The following DRC1 variants were observed in gnomAD, a reference collection of about 807,000 sequenced individuals.
DRC1 encodes dynein regulatory complex subunit 1.
DRC1 carries 74 observed loss-of-function variants against 98.7 expected under a neutral mutation model. The ratio of observed to expected loss-of-function variants is 0.75; its 90% CI spans 0.62 to 0.91. DRC1 has a LOEUF of 0.91. Ranked by LOEUF, DRC1 falls within the 40% of genes least tolerant of loss-of-function variation. The pLI is 0.00. For missense variants in DRC1, 875 were observed against 886.0 expected, an observed-to-expected ratio of 0.99 and a Z score of 0.16; for synonymous variants, 336 against 334.1, an observed-to-expected ratio of 1.01 and a Z score of -0.06.
intron 13 of DRC1, among the ~76,000 whole-genome samples, chr2:26,452,375 C>G (rs1286591971): frequency 6.6e-6 from 1 of 152,200 alleles, no homozygotes; most frequent in African/African-American, 2.4e-5. Context: ...CCTGCCTCAG[C>G]CTCCTGAGTA....
intron 7 of DRC1, among the ~76,000 whole-genome samples, chr2:26,437,608 T>G (rs1663605691): frequency 6.6e-6 from 1 of 152,182 alleles, no homozygotes; most frequent in South Asian, 2.1e-4. Flanking sequence ...TCATTTCACT[T>G]CTACGAATCT....
At chr2:26,426,984 T>C (rs1663300594) in intron 4 of DRC1, among the ~76,000 whole-genome samples, 1 of 152,202 alleles carries the variant, frequency 6.6e-6, no homozygotes, top group African/African-American at 2.4e-5. Flanking sequence ...TTTGCCTACT[T>C]TGTTAAGTTT....
chr2:26,430,944 T>A, intron 6 of DRC1, 72 bp downstream of exon 6: 1 of 1,014,956 alleles, frequency 9.9e-7, no homozygotes, highest in Non-Finnish European at 1.4e-6. Flanking sequence ...ATTTGCTAGC[T>A]AGCCTTTTTC....
intron 1 of DRC1, among the ~76,000 whole-genome samples, chr2:26,405,493 TATG>T (rs1478174504): frequency 6.6e-6 from 1 of 151,834 alleles, no homozygotes; most frequent in Non-Finnish European, 1.5e-5. Context: ...AATGAGCAAA[TATG>T]AAGAATAATA....
Position 26,414,340 on chromosome 2 carries a change from A to G in DRC1, c.156-4A>G, listed in dbSNP as rs750763591. 1.2e-6 allele frequency: 2 copies of G among 1,612,976 alleles called. No homozygotes were observed. Among genetic ancestry groups the G allele is most frequent in the Non-Finnish European group, 1.7e-6 (2 of 1,179,646 alleles). On this transcript the variant is annotated splice_polypyrimidine_tract_variant and splice_region_variant and intron_variant, in intron 1 of 16. Coordinates refer to ENST00000288710, the MANE Select transcript of DRC1 (RefSeq NM_145038.5). Reference sequence around the variant, plus strand: ...TTCATTTTCTCTGCTTTTTTCCATCACAGGGAAGCACTTGGAGAATATTTA... The same window carrying G: ...TTCATTTTCTCTGCTTTTTTCCATCGCAGGGAAGCACTTGGAGAATATTTA...
At chr2:26,402,283 G>C in intron 1 of DRC1, 139 bp downstream of exon 1, 1 of 1,344,286 alleles carries the variant, frequency 7.4e-7, no homozygotes, top group South Asian at 1.5e-5. Flanking sequence ...GTGCCGTGGC[G>C]CGCGCCTGTC....
intron 15 of DRC1, 40 bp from the exon 16 acceptor site, chr2:26,455,091 G>A (rs368071459): frequency 6.2e-6 from 10 of 1,608,268 alleles, no homozygotes; most frequent in African/African-American, 1.3e-5. Flanking sequence ...GCAGAGGATG[G>A]AGGATTCAGT....
At chr2:26,403,581 G>C (rs1269293065) in intron 1 of DRC1, among the ~76,000 whole-genome samples, 1 of 152,058 alleles carries the variant, frequency 6.6e-6, no homozygotes, top group Non-Finnish European at 1.5e-5. Context: ...GATCACCTGA[G>C]GTCAGGAGTT....
chr2:26,441,482 C>A, intron 8 of DRC1, among the ~76,000 whole-genome samples: 1 of 151,980 alleles, frequency 6.6e-6, no homozygotes, highest in East Asian at 1.9e-4. Flanking sequence ...AAAATTCCCA[C>A]TATATATGCA....
At chr2:26,413,725 A>C (rs1224930836) in intron 1 of DRC1, among the ~76,000 whole-genome samples, 1 of 152,150 alleles carries the variant, frequency 6.6e-6, no homozygotes, top group Non-Finnish European at 1.5e-5. Flanking sequence ...GGATAGTAAA[A>C]TTTTGTCAAA....
intron 1 of DRC1, among the ~76,000 whole-genome samples, chr2:26,405,654 T>A (rs1445535442): frequency 0.17 from 1,240 of 7,240 alleles, 24 homozygotes; most frequent in African/African-American, 0.2. Flanking sequence ...AGGCTATATC[T>A]TTTTTTTTTT....
chr2:26,412,324 C>T (rs999435001), intron 1 of DRC1, among the ~76,000 whole-genome samples: 3 of 152,042 alleles, frequency 2.0e-5, no homozygotes, highest in Admixed American at 6.6e-5. Flanking sequence ...GCCGAGATCG[C>T]GCCATTGCAC....
Position 26,402,158 on chromosome 2 carries a change from C to T in DRC1, c.155+14C>T. The T allele has an allele frequency of 6.4e-7, 1 of 1,569,978 alleles. No individual in the cohort carries two copies. The highest frequency in any genetic ancestry group is 8.6e-7 in the Non-Finnish European group (1 of 1,161,806). ...AGCCCGGAGGCGGTGAGCGCGGGGG[C>T]GGGCGGGGCGGGATCCGCGCCGCAG... On this transcript the variant is annotated intron_variant, in intron 1 of 16. Coordinates refer to ENST00000288710, the MANE Select transcript of DRC1 (RefSeq NM_145038.5).
At chr2:26,406,194 T>C (rs1285094559) in intron 1 of DRC1, among the ~76,000 whole-genome samples, 1 of 152,186 alleles carries the variant, frequency 6.6e-6, no homozygotes, top group Non-Finnish European at 1.5e-5. Context: ...GATCAGAACT[T>C]AGATTGACAA....
chr2:26,405,281 ACT>A (rs1332170571), intron 1 of DRC1, among the ~76,000 whole-genome samples: 2 of 147,944 alleles, frequency 1.4e-5, no homozygotes, highest in African/African-American at 5.0e-5. Context: ...CATCTTTAAA[ACT>A]CTCTGTGGAT....
intron 7 of DRC1, among the ~76,000 whole-genome samples, chr2:26,438,408 G>A (rs1029012470): frequency 5.3e-5 from 8 of 152,174 alleles, no homozygotes; most frequent in Admixed American, 2.0e-4. Context: ...AAAGAAAAAT[G>A]TATAACTAGA....
chr2:26,430,531 C>CCAG (rs2147991348), intron 5 of DRC1: 1 of 566,816 alleles, frequency 1.8e-6, no homozygotes, highest in East Asian at 4.2e-5. Flanking sequence ...TTCCCTGCCT[C>CCAG]TGATATTGAC....
In DRC1 at chr2:26,440,319, TTG is replaced by T. The variant is rs138497746; in HGVS notation, c.889-33_889-32del. ...GGATGCAGGTGTAGAGTTAGTGTGT[TTG>T]TGTGTGTGTGTGTGTGTGTGTGTGT... On this transcript the variant is annotated intron_variant, in intron 7 of 16. Coordinates refer to ENST00000288710, the MANE Select transcript of DRC1 (RefSeq NM_145038.5). 0.055 allele frequency: 69,538 copies of T among 1,260,444 alleles called. 1,327 individuals carry two copies. Among genetic ancestry groups the T allele is most frequent in the African/African-American group, 0.22 (13,844 of 63,158 alleles). The allele number at this position is 1,260,444 out of a possible 1,614,324, so 78.1% of individuals were successfully genotyped here. A position where few individuals can be genotyped will look rare whatever the true frequency, so the allele number is the denominator to read the frequency against.
intron 8 of DRC1, among the ~76,000 whole-genome samples, chr2:26,443,202 A>G (rs1663760765): frequency 6.6e-6 from 1 of 152,160 alleles, no homozygotes; most frequent in African/African-American, 2.4e-5. Context: ...TATTTTTAGA[A>G]TTTCTAAACT....
Sources: allele counts gnomAD v4.1 joint callset (sites outside exome capture counted in the v4.1 genomes callset), GRCh38; gene constraint gnomAD v4.1.1; transcripts MANE v1.5; gene names NCBI Gene and HGNC (gene_info 2026-07-23, HGNC 2026-07-21).